The following NOX1 variants were observed in gnomAD, a reference collection of about 807,000 sequenced individuals.
NOX1 encodes the protein NADPH oxidase 1, also known as NADH/NADPH mitogenic oxidase subunit P65-MOX.
Under a neutral mutation model 42.5 loss-of-function variants are expected in NOX1, and 34 were observed. That is an observed-to-expected ratio of 0.80 (90% CI 0.61 to 1.07). The LOEUF is 1.07. Ranked by LOEUF, NOX1 falls within the 50% of genes least tolerant of loss-of-function variation. The probability of loss-of-function intolerance (pLI) is 0.00; values close to 1 mark genes in which losing one functional copy is unlikely to be tolerated. For missense variants in NOX1, 408 were observed against 427.0 expected (o/e 0.96, Z 0.39); for synonymous variants, 143 against 152.5 (o/e 0.94, Z 0.46).
At chrX:100,851,480 A>G (rs2085114271) in intron 7 of NOX1, among the ~76,000 whole-genome samples, 155 bp from the exon 8 acceptor site, 1 of 112,283 alleles carries the variant, frequency 8.9e-6, no homozygotes, top group Non-Finnish European at 1.9e-5. Context: ...GGAAATAGAA[A>G]AAATAAAGGA....
At position 100,843,499 on chromosome X, in the gene NOX1, C is replaced by A. The variant is rs749596097; in HGVS notation, c.*453G>T. ...ATTTATGTTTATTATTATGTTTTATCATTAATTATTCAATAAATTTTTATT... is the reference window on the plus strand; with the variant it reads ...ATTTATGTTTATTATTATGTTTTATAATTAATTATTCAATAAATTTTTATT... On this transcript the variant is annotated 3_prime_UTR_variant, in exon 13 of 13. Transcript: ENST00000372966. 3.0e-5 allele frequency: 31 copies of A among 1,041,495 alleles called. No individual in the cohort carries two copies. Among genetic ancestry groups the A allele is most frequent in the East Asian group, 3.7e-5 (1 of 26,852 alleles). The allele number at this position is 1,041,495 out of a possible 1,213,427, so 85.8% of individuals were successfully genotyped here.
At chrX:100,850,111 T>G (rs767232289) in intron 9 of NOX1, 40 bp downstream of exon 9, 61 of 1,090,504 alleles carry the variant, frequency 5.6e-5, no homozygotes, top group Non-Finnish European at 7.7e-5. Flanking sequence ...TCTGCCAGTC[T>G]GCATCCTGGT....
In NOX1 at chrX:100,843,479, T is replaced by C. The variant is rs2085050264; in HGVS notation, c.*473A>G. ...TCTCGGTAATTTTGTTTATTATTTA[T>C]GTTTATTATTATGTTTTATCATTAA... On this transcript the variant is annotated 3_prime_UTR_variant, in exon 13 of 13. Coordinates refer to ENST00000372966, the MANE Select transcript of NOX1 (RefSeq NM_007052.5). The C allele has an allele frequency of 9.3e-7, 1 of 1,076,432 alleles. No individual in the cohort carries two copies. Among genetic ancestry groups the C allele is most frequent in the Non-Finnish European group, 1.2e-6 (1 of 829,499 alleles). 88.7% of individuals were successfully genotyped at this position (1,076,432 alleles called of 1,213,427 possible).
intron 2 of NOX1, among the ~76,000 whole-genome samples, chrX:100,868,630 T>G (rs772782387): frequency 2.1e-4 from 23 of 111,400 alleles, no homozygotes; most frequent in African/African-American, 7.5e-4. Flanking sequence ...GAGACTCCCC[T>G]AAGTATCCCT....
At chrX:100,845,514 A>G (rs1325509204) in intron 12 of NOX1, among the ~76,000 whole-genome samples, 2 of 107,813 alleles carry the variant, frequency 1.9e-5, no homozygotes, top group African/African-American at 6.8e-5. Flanking sequence ...TAATGCTGCT[A>G]TGTACATCAT....
chrX:100,858,739 T>A (rs1160791481), intron 7 of NOX1, among the ~76,000 whole-genome samples: 1 of 111,098 alleles, frequency 9.0e-6, no homozygotes, highest in Non-Finnish European at 1.9e-5. Context: ...GCTTGGGTGT[T>A]GTTGGGGTAT....
intron 12 of NOX1, among the ~76,000 whole-genome samples, chrX:100,846,078 G>A (rs1447625401): frequency 4.5e-5 from 5 of 110,732 alleles, no homozygotes; most frequent in Admixed American, 1.9e-4. Context: ...GAGCCACCAC[G>A]CCCGGCCTAA....
At chrX:100,844,142 TG>T in intron 12 of NOX1, 64 bp from the exon 13 acceptor site, 2 of 977,096 alleles carry the variant, frequency 2.0e-6, no homozygotes, top group Non-Finnish European at 2.8e-6. Flanking sequence ...AAACTGCCTC[TG>T]TTAGGCCTCT....
At chrX:100,862,898 A>G (rs994124394) in intron 4 of NOX1, 78 bp from the exon 5 acceptor site, 15 of 938,902 alleles carry the variant, frequency 1.6e-5, no homozygotes, top group Non-Finnish European at 2.3e-5. Context: ...AGACTAGAAG[A>G]ATCCTACATT....
At chrX:100,853,321 TC>T (rs2085138194) in intron 7 of NOX1, among the ~76,000 whole-genome samples, 1 of 22,445 alleles carries the variant, frequency 4.5e-5, no homozygotes, top group African/African-American at 3.9e-4. Context: ...TTTCTTTCTT[TC>T]TCTCTCTTTC....
At chrX:100,852,978 A>G (rs2085124653) in intron 7 of NOX1, among the ~76,000 whole-genome samples, 2 of 112,162 alleles carry the variant, frequency 1.8e-5, no homozygotes, top group Admixed American at 9.4e-5. Context: ...CAAATTGAAC[A>G]TGCATTTCAC....
At chrX:100,858,439 A>G (rs2085181751) in intron 7 of NOX1, among the ~76,000 whole-genome samples, 1 of 111,105 alleles carries the variant, frequency 9.0e-6, no homozygotes, top group Non-Finnish European at 1.9e-5. Context: ...ATGAATTTTG[A>G]AATAGTTTTT....
intron 12 of NOX1, among the ~76,000 whole-genome samples, chrX:100,846,954 G>A (rs886374532): frequency 3.6e-5 from 4 of 111,485 alleles, no homozygotes; most frequent in Non-Finnish European, 7.5e-5. Context: ...TTGGGAGGCT[G>A]AGGTGAGTGA....
At chrX:100,851,371 G>C in intron 7 of NOX1, 46 bp from the exon 8 acceptor site, 2 of 718,898 alleles carry the variant, frequency 2.8e-6, no homozygotes, top group Middle Eastern at 3.0e-4. Context: ...CTAATTTCTT[G>C]TTTAGGACTT....
chrX:100,861,518 C>A (rs762999186), intron 7 of NOX1, among the ~76,000 whole-genome samples: 2 of 111,583 alleles, frequency 1.8e-5, no homozygotes, highest in African/African-American at 6.5e-5. Flanking sequence ...AAGAATTACC[C>A]TGGGGCACAC....
chrX:100,850,662 C>A (rs2085108330), intron 8 of NOX1, among the ~76,000 whole-genome samples: 1 of 111,981 alleles, frequency 8.9e-6, no homozygotes, highest in Non-Finnish European at 1.9e-5. Context: ...TGTTGGCAAC[C>A]AATTCAACTT....
In NOX1 at chrX:100,870,807, C is replaced by G. The variant is rs368113444; in HGVS notation, c.53G>C (p.Trp18Ser). The G allele has an allele frequency of 5.2e-6, 6 of 1,154,429 alleles. No individual in the cohort carries two copies. The highest frequency in any genetic ancestry group is 7.0e-6 in the Non-Finnish European group (6 of 853,780). ...AAACAGGAAAACATTCAGCCCTAAC[C>G]AAACAACCTAGAGAAAGAAAAAAAA... ...HWFSVLFLVVWLGLNVFLFVD... is the reference protein window; with the variant it reads ...HWFSVLFLVVSLGLNVFLFVD... The change falls in exon 2 of 13, where the codon TGG (tryptophan) becomes TCG (serine). Residue 18 changes from tryptophan to serine, a missense_variant. Transcript: ENST00000372966.
chrX:100,849,964 T>G, intron 9 of NOX1, 30 bp from the exon 10 acceptor site: 1 of 1,165,435 alleles, frequency 8.6e-7, no homozygotes, highest in Non-Finnish European at 1.1e-6. Flanking sequence ...AACGGGCAAC[T>G]GAAGACTCCC....
Position 100,843,850 on chromosome X carries a change from C to A in NOX1, c.*102G>T. 4.6e-6 allele frequency: 3 copies of A among 658,775 alleles called. No homozygotes were observed. The highest frequency in any genetic ancestry group is 4.4e-4 in the Middle Eastern group (1 of 2,275). The allele number at this position is 658,775 out of a possible 1,213,427, so 54.3% of individuals were successfully genotyped here. A position where few individuals can be genotyped will look rare whatever the true frequency, so the allele number is the denominator to read the frequency against. On this transcript the variant is annotated 3_prime_UTR_variant, in exon 13 of 13. Transcript: ENST00000372966. ...TACCAGGGAGTCAAGGCTTGAGAGG[C>A]ACATTCTTATCCTAAAGTGACTGCT...
Sources: gnomAD v4.1 joint callset for allele counts (sites outside exome capture counted in the v4.1 genomes callset) on GRCh38, gnomAD v4.1.1 for gene constraint, MANE v1.5 for transcripts, NCBI Gene and HGNC (gene_info 2026-07-23, HGNC 2026-07-21) for gene names.